PATJ: variants seen among roughly 807,000 people sequenced by gnomAD.
PATJ encodes inaD-like protein.
A neutral mutation model predicts 224.9 loss-of-function variants in PATJ; 190 were observed. The observed-to-expected ratio is 0.84, with a 90% CI of 0.75 to 0.95. PATJ has a LOEUF of 0.95. Among genes scored for constraint, PATJ ranks in the 40% least tolerant of loss-of-function variants. The pLI is 0.00. For synonymous variants in PATJ, 769 were observed against 820.3 expected, an observed-to-expected ratio of 0.94 and a Z score of 1.07; for missense variants, 2,121 against 2,270.3, an observed-to-expected ratio of 0.93 and a Z score of 1.34.
At chr1:61,995,587 G>A (rs1210100495) in intron 28 of PATJ, among the ~76,000 whole-genome samples, 1 of 152,190 alleles carries the variant, frequency 6.6e-6, no homozygotes, top group African/African-American at 2.4e-5. Flanking sequence ...TACAGTGGAA[G>A]AGCATTCAGC....
At chr1:61,757,080 CTTT>C (rs55788991) in intron 1 of PATJ, among the ~76,000 whole-genome samples, 1 of 129,180 alleles carries the variant, frequency 7.7e-6, no homozygotes, top group Non-Finnish European at 1.6e-5. Context: ...GTCACTTTTA[CTTT>C]TTTTTTTTTT....
At chr1:61,984,363 C>G (rs1644627927) in intron 27 of PATJ, among the ~76,000 whole-genome samples, 1 of 151,454 alleles carries the variant, frequency 6.6e-6, no homozygotes, top group Admixed American at 6.6e-5. Flanking sequence ...TTTCACTATA[C>G]TGGCCAGGCT....
chr1:61,827,075 A>G (rs1476091781), intron 15 of PATJ, among the ~76,000 whole-genome samples: 1 of 152,198 alleles, frequency 6.6e-6, no homozygotes, highest in Non-Finnish European at 1.5e-5. Context: ...AGCTGAGTAG[A>G]GGTAGGTAAG....
At chr1:61,773,719 G>A (rs1646749274) in intron 6 of PATJ, among the ~76,000 whole-genome samples, 2 of 151,934 alleles carry the variant, frequency 1.3e-5, no homozygotes, top group South Asian at 2.1e-4. Context: ...CCTGGCAGGC[G>A]GAGGTTGCAG....
chr1:61,949,321 G>C (rs562917108), intron 27 of PATJ, among the ~76,000 whole-genome samples: 2 of 151,968 alleles, frequency 1.3e-5, no homozygotes, highest in African/African-American at 2.4e-5. Context: ...AGAGAAAGCA[G>C]GCCTGGGTTG....
chr1:61,888,470 G>A (rs7532766), intron 22 of PATJ, among the ~76,000 whole-genome samples: 38,160 of 151,004 alleles, frequency 0.25, 5,044 homozygotes, highest in African/African-American at 0.33. Context: ...TTTTCTTTTC[G>A]TAGAGATGGT....
In PATJ at chr1:61,812,433, A is replaced by AGAGAGAGT. The variant is rs1397549346; in HGVS notation, c.1683+3904_1683+3905insAGAGAGTG. The stretch of plus-strand genomic sequence containing the variant: ...GAGAGAGAGAGAGAGAGAGAGAGAG[A>AGAGAGAGT]GTGTGTGTGTGTGTGTGTGTGTGTG... On this transcript the variant is annotated intron_variant, in intron 14 of 43. Transcript: ENST00000642238. Among the ~76,000 whole-genome samples, 843 of 85,148 alleles carry AGAGAGAGT rather than the reference A, an allele frequency of 9.9e-3. 19 individuals are homozygous for AGAGAGAGT. The highest frequency in any genetic ancestry group is 0.035 in the African/African-American group (790 of 22,338). The allele number at this position is 85,148 out of a possible 152,430, so 55.9% of individuals were successfully genotyped here.
intron 5 of PATJ, 103 bp downstream of exon 5, chr1:61,769,525 A>G: frequency 7.6e-7 from 1 of 1,308,432 alleles, no homozygotes; most frequent in Non-Finnish European, 1.1e-6. Flanking sequence ...TAACAGTAAC[A>G]GCTAACATTT....
chr1:62,084,789 T>G, intron 33 of PATJ, 141 bp downstream of exon 33: 3 of 831,752 alleles, frequency 3.6e-6, no homozygotes, highest in Non-Finnish European at 1.9e-6. Context: ...TGTGCATCCA[T>G]AGTCTAGCTA....
intron 17 of PATJ, among the ~76,000 whole-genome samples, chr1:61,844,513 C>T (rs1268835301): frequency 6.6e-6 from 1 of 152,148 alleles, no homozygotes; most frequent in African/African-American, 2.4e-5. Flanking sequence ...CTGTCAACTG[C>T]AGTCTGAAAA....
At chr1:62,034,127 G>A (rs1265979273) in intron 29 of PATJ, among the ~76,000 whole-genome samples, 1 of 152,120 alleles carries the variant, frequency 6.6e-6, no homozygotes, top group Non-Finnish European at 1.5e-5. Context: ...TGGGGCCTAA[G>A]AAACTTAGGC....
intron 17 of PATJ, among the ~76,000 whole-genome samples, chr1:61,844,103 A>C (rs1661541425): frequency 6.6e-6 from 1 of 152,178 alleles, no homozygotes; most frequent in African/African-American, 2.4e-5. Context: ...AAGAGAACAG[A>C]CTTGGCAACA....
rs879800357 is a variant in PATJ, at chr1:62,034,165, C to T, written c.3960-3812C>T. Among the ~76,000 whole-genome samples the T allele has an allele frequency of 2.6e-5, 4 of 152,090 alleles. No individual in the cohort carries two copies. The East Asian group carries it at 5.8e-4, about 22-fold the overall frequency. On this transcript the variant is annotated intron_variant, in intron 29 of 43. Coordinates refer to ENST00000642238, the MANE Select transcript of PATJ (RefSeq NM_001350145.3). ...ATTATATGGAAAGGAAAGTTTCACC[C>T]GGCTTGATGGCTCACACCTGTAATC...
intron 34 of PATJ, among the ~76,000 whole-genome samples, chr1:62,111,990 T>C (rs1039610666): frequency 1.3e-5 from 2 of 152,046 alleles, no homozygotes; most frequent in African/African-American, 4.8e-5. Flanking sequence ...ACTGTTATTC[T>C]GGATGTAGCT....
At chr1:61,948,757 T>G (rs1304432921) in intron 27 of PATJ, among the ~76,000 whole-genome samples, 1 of 152,038 alleles carries the variant, frequency 6.6e-6, no homozygotes, top group African/African-American at 2.4e-5. Flanking sequence ...ATAAAGACAC[T>G]TGTACACGTA....
chr1:61,950,153 G>A (rs12069359), intron 27 of PATJ, among the ~76,000 whole-genome samples: 6,594 of 150,764 alleles, frequency 0.044, 531 homozygotes, highest in African/African-American at 0.15. Flanking sequence ...GCGGTGAGCC[G>A]AGATCACGCT....
At chr1:62,077,577 G>A (rs972363391) in intron 31 of PATJ, among the ~76,000 whole-genome samples, 1 of 150,828 alleles carries the variant, frequency 6.6e-6, no homozygotes, top group African/African-American at 2.4e-5. Flanking sequence ...GTAATCCCAG[G>A]TATTCAGGAG....
Position 62,086,246 on chromosome 1 carries a change from G to GTGTGTGTGTGTGTGTGTGTGTGTGTA in PATJ, c.4377+1611_4377+1612insGTGTGTGTGTGTATGTGTGTGTGTGT, listed in dbSNP as rs1485900733. ...TTAATGCATGTGTGTGTGTGTGTAT[G>GTGTGTGTGTGTGTGTGTGTGTGTGTA]TGTGTGTGTGTGTTTAATACCTGCA... On this transcript the variant is annotated intron_variant, in intron 33 of 43. Coordinates refer to ENST00000642238, the MANE Select transcript of PATJ (RefSeq NM_001350145.3). This position sits in a 1 kb window ranked among gnomAD's most constrained non-coding sequence, Gnocchi z 4.0. 2.6e-4 allele frequency among the ~76,000 whole-genome samples: 40 copies of GTGTGTGTGTGTGTGTGTGTGTGTGTA among 151,596 alleles called. No homozygotes were observed. Among genetic ancestry groups the GTGTGTGTGTGTGTGTGTGTGTGTGTA allele is most frequent in the Admixed American group, 7.2e-4 (11 of 15,212 alleles).
chr1:61,911,695 T>TATATATATATATATATA (rs1672666028), intron 25 of PATJ, among the ~76,000 whole-genome samples: 37 of 140,606 alleles, frequency 2.6e-4, no homozygotes, highest in Non-Finnish European at 4.9e-4. Flanking sequence ...CTATATATTT[T>TATATATATATATATATA]TATATATATA....
Sources: allele counts gnomAD v4.1 joint callset (sites outside exome capture counted in the v4.1 genomes callset), GRCh38; gene constraint gnomAD v4.1.1; non-coding constraint Gnocchi (gnomAD v3.1); transcripts MANE v1.5; gene names NCBI Gene and HGNC (gene_info 2026-07-23, HGNC 2026-07-21).